The following TRIM34 variants were observed in gnomAD, a reference collection of about 807,000 sequenced individuals.
TRIM34 encodes tripartite motif containing 34.
In TRIM34, 41 loss-of-function variants were observed where a neutral mutation model predicts 38.1. The ratio of observed to expected loss-of-function variants is 1.08; its 90% CI spans 0.84 to 1.40. The LOEUF (loss-of-function observed/expected upper bound fraction) is 1.40. Ranked by LOEUF, TRIM34 falls within the 40% of genes most tolerant of loss-of-function variation. The probability of loss-of-function intolerance (pLI) is 0.00; values close to 1 mark genes in which losing one functional copy is unlikely to be tolerated. For missense variants in TRIM34, 556 were observed against 571.4 expected (o/e 0.97, Z 0.27); for synonymous variants, 200 against 202.5 (o/e 0.99, Z 0.10).
At chr11:5,628,713 C>G (rs954621333) in intron 1 of TRIM34, among the ~76,000 whole-genome samples, 1 of 152,190 alleles carries the variant, frequency 6.6e-6, no homozygotes, top group South Asian at 2.1e-4. Flanking sequence ...ACTGTTGTAA[C>G]CAATTATCAC....
intron 3 of TRIM34, 111 bp from the exon 4 acceptor site, chr11:5,634,520 C>CATATAT (rs1314518530): frequency 1.6e-6 from 1 of 636,150 alleles, no homozygotes; most frequent in African/African-American, 2.1e-5. Context: ...CACACACACA[C>CATATAT]ACACACACAC....
chr11:5,627,449 G>T (rs991240274), intron 1 of TRIM34, among the ~76,000 whole-genome samples: 5 of 152,158 alleles, frequency 3.3e-5, no homozygotes, highest in Non-Finnish European at 7.3e-5. Context: ...AATTCAGGTG[G>T]TTTCTACCAG....
chr11:5,641,667 G>A (rs1234043710), intron 5 of TRIM34, among the ~76,000 whole-genome samples: 1 of 152,124 alleles, frequency 6.6e-6, no homozygotes, highest in East Asian at 1.9e-4. Flanking sequence ...AAGTAGACTC[G>A]AGCCTCAGGA....
In TRIM34 at chr11:5,632,438, G is replaced by A. The variant is rs779165159; in HGVS notation, c.107G>A (p.Arg36Gln). Residue 36 changes from arginine to glutamine, a missense_variant, in exon 2 of 8, where the codon CGA becomes CAA. Physicochemically the swap from Arg to Gln is conservative, Grantham distance 43 (BLOSUM62 1). Transcript: ENST00000429814. ...CTAGACTGTGGCCACAGCCTCTGCCGAGCCTGCATCACTGTGAGCAACAAG... is the reference window on the plus strand; with the variant it reads ...CTAGACTGTGGCCACAGCCTCTGCCAAGCCTGCATCACTGTGAGCAACAAG... The part of the protein sequence containing the change: ...LSLDCGHSLC[R>Q]ACITVSNKEA... 4 of 1,614,038 alleles carry A rather than the reference G, an allele frequency of 2.5e-6. No individual in the cohort carries two copies. Among genetic ancestry groups the A allele is most frequent in the Non-Finnish European group, 2.5e-6 (3 of 1,180,006 alleles).
chr11:5,632,196 G>A lies in TRIM34; in HGVS notation c.-77-59G>A, dbSNP rs541141163. On this transcript the variant is annotated intron_variant, in intron 1 of 7. Transcript: ENST00000429814. ...GTCTCGGCCAGTCTTTATTGTCTGT[G>A]CAATTAGAATGCTTTTTATTTGTAC... 22 of 1,520,674 alleles carry A rather than the reference G, an allele frequency of 1.4e-5. No individual in the cohort carries two copies. In the South Asian group the frequency reaches 2.9e-4, roughly 20 times the overall value. 94.2% of individuals were successfully genotyped at this position (1,520,674 alleles called of 1,614,324 possible).
intron 6 of TRIM34, 150 bp downstream of exon 6, chr11:5,642,656 T>C: frequency 2.2e-6 from 3 of 1,379,870 alleles, no homozygotes; most frequent in South Asian, 2.9e-5. Flanking sequence ...GATGCATTTA[T>C]ATGTAAGGAA....
At position 5,625,056 on chromosome 11, in the gene TRIM34, T is replaced by TGAAGGTGTGTGG. The variant is rs963712214; in HGVS notation, c.-80_-78+9dup. 2 of 152,326 alleles carry TGAAGGTGTGTGG rather than the reference T, an allele frequency of 1.3e-5. No homozygotes were observed. Among genetic ancestry groups the TGAAGGTGTGTGG allele is most frequent in the Non-Finnish European group, 2.9e-5 (2 of 68,134 alleles). 9.4% of individuals were successfully genotyped at this position (152,326 alleles called of 1,614,324 possible). A position where few individuals can be genotyped will look rare whatever the true frequency, so the allele number is the denominator to read the frequency against. On this transcript the variant is annotated 5_prime_UTR_variant, in exon 1 of 8. Transcript: ENST00000429814. ...CCAGGAGCCGAGATTTCTGTTGCTC[T>TGAAGGTGTGTGG]GAAGGTGTGTGGGGAGGTTTGTGGG...
rs760759282 is a variant in TRIM34, at chr11:5,643,536, C to T, written c.1294C>T (p.Arg432Cys). 2.4e-5 allele frequency: 38 copies of T among 1,614,008 alleles called. 2 individuals are homozygous for T. Among genetic ancestry groups the T allele is most frequent in the African/African-American group, 1.1e-4 (8 of 74,904 alleles). The change falls in exon 8 of 8, where the codon CGT becomes TGT. Residue 432 changes from arginine to cysteine, a missense_variant. By Grantham distance (180) the Arg-to-Cys change is radical. Coordinates refer to ENST00000429814, the MANE Select transcript of TRIM34 (RefSeq NM_021616.6). Reference protein sequence around the residue: ...LTLSMAVPPCRVGVFLDYEAG... With the variant: ...LTLSMAVPPCCVGVFLDYEAG... ...TCTCTCCATGGCTGTGCCTCCCTGC[C>T]GTGTTGGGGTTTTCCTCGACTATGA... is the stretch of plus-strand genomic sequence containing the variant.
chr11:5,632,335 G>C lies in TRIM34; in HGVS notation c.4G>C (p.Ala2Pro). The stretch of plus-strand genomic sequence containing the variant: ...AAGAAGCCAGGGAAGCAGTGCAATG[G>C]CTTCAAAAATCTTGCTTAACGTACA... M[A>P]SKILLNVQEE... Residue 2 changes from alanine (A) to proline (P), a missense_variant, in exon 2 of 8, where the codon GCT becomes CCT. Transcript: ENST00000429814. 6.2e-7 allele frequency: 1 copy of C among 1,614,072 alleles called. No homozygotes were observed. The highest frequency in any genetic ancestry group is 8.5e-7 in the Non-Finnish European group (1 of 1,180,016).
At chr11:5,624,518 A>T (rs1849117813), upstream of TRIM34, among the ~76,000 whole-genome samples, 1 of 152,188 alleles carries the variant, frequency 6.6e-6, no homozygotes, top group African/African-American at 2.4e-5. Context: ...GATTCGAGGG[A>T]CCATGTGCAA....
chr11:5,627,945 G>C (rs1849315175), intron 1 of TRIM34, among the ~76,000 whole-genome samples: 1 of 152,202 alleles, frequency 6.6e-6, no homozygotes, highest in Non-Finnish European at 1.5e-5. Flanking sequence ...TAGGAGTCCA[G>C]ATGTTAGGAG....
chr11:5,633,411 C>T (rs559639360), intron 2 of TRIM34, among the ~76,000 whole-genome samples: 1 of 152,090 alleles, frequency 6.6e-6, no homozygotes, highest in South Asian at 2.1e-4. Context: ...AAATTTTTGT[C>T]TTGTTTTTTC....
At chr11:5,637,691 C>A (rs1297198078) in intron 4 of TRIM34, among the ~76,000 whole-genome samples, 1 of 152,114 alleles carries the variant, frequency 6.6e-6, no homozygotes, top group Non-Finnish European at 1.5e-5. Flanking sequence ...CCTCTCTGGA[C>A]TTTTTCACCA....
At chr11:5,636,652 A>AT (rs1849746604) in intron 4 of TRIM34, among the ~76,000 whole-genome samples, 1 of 152,184 alleles carries the variant, frequency 6.6e-6, no homozygotes, top group Non-Finnish European at 1.5e-5. Context: ...TTGTCCAGGC[A>AT]TTTGTCCTAT....
intron 4 of TRIM34, 38 bp from the exon 5 acceptor site, chr11:5,641,129 T>A: frequency 6.2e-7 from 1 of 1,610,868 alleles, no homozygotes; most frequent in Non-Finnish European, 8.5e-7. Flanking sequence ...ACACCAGTCT[T>A]TATACACTTT....
chr11:5,627,164 G>A (rs1437059486), intron 1 of TRIM34, among the ~76,000 whole-genome samples: 1 of 151,900 alleles, frequency 6.6e-6, no homozygotes, highest in Admixed American at 6.6e-5. Flanking sequence ...GATCACCTGA[G>A]GTGGATCATG....
upstream of TRIM34, among the ~76,000 whole-genome samples, chr11:5,623,227 C>T (rs1486601936): frequency 1.3e-5 from 2 of 151,046 alleles, no homozygotes; most frequent in Admixed American, 6.6e-5. Flanking sequence ...TTTTGGGTCC[C>T]GAGATTTTCT....
rs1850131662 is a variant in TRIM34, at chr11:5,643,856, A to C, written c.*147A>C. Reference sequence around the variant, plus strand: ...TGAGATGTATGGTGTATTTGGCTTGAGTTATGAGAGATGCTTATTTATTCA... The same window carrying C: ...TGAGATGTATGGTGTATTTGGCTTGCGTTATGAGAGATGCTTATTTATTCA... On this transcript the variant is annotated 3_prime_UTR_variant, in exon 8 of 8. Coordinates refer to ENST00000429814, the MANE Select transcript of TRIM34 (RefSeq NM_021616.6). The C allele has an allele frequency of 3.8e-6, 4 of 1,047,084 alleles. No individual in the cohort carries two copies. The highest frequency in any genetic ancestry group is 5.4e-6 in the Non-Finnish European group (4 of 737,446). The allele number at this position is 1,047,084 out of a possible 1,614,324, so 64.9% of individuals were successfully genotyped here.
chr11:5,641,413 C>A, intron 5 of TRIM34: 1 of 1,195,720 alleles, frequency 8.4e-7, no homozygotes, highest in Non-Finnish European at 1.1e-6. Context: ...TTCAGAGCTA[C>A]AGCCAAAAAG....
Sources: gnomAD v4.1 joint callset for allele counts (sites outside exome capture counted in the v4.1 genomes callset) on GRCh38, gnomAD v4.1.1 for gene constraint, MANE v1.5 for transcripts, NCBI Gene and HGNC (gene_info 2026-07-23, HGNC 2026-07-21) for gene names.